CPED1: variants seen among roughly 807,000 people sequenced by gnomAD.
CPED1 encodes the protein cadherin like and PC-esterase domain containing 1, also known as cadherin-like and PC-esterase domain-containing protein 1.
Under a neutral mutation model 128.2 loss-of-function variants are expected in CPED1, and 114 were observed. The observed-to-expected ratio is 0.89, with a 90% CI of 0.76 to 1.04. The LOEUF (loss-of-function observed/expected upper bound fraction) is 1.04. CPED1 is among the 50% of genes least tolerant of loss of function. The probability of loss-of-function intolerance (pLI) is 0.00; values close to 1 mark genes in which losing one functional copy is unlikely to be tolerated. For synonymous variants in CPED1, 462 were observed against 426.7 expected, an observed-to-expected ratio of 1.08 and a Z score of -1.02; for missense variants, 1,211 against 1,207.1, an observed-to-expected ratio of 1.00 and a Z score of -0.05.
At chr7:121,044,475 G>C (rs1255833503) in intron 3 of CPED1, among the ~76,000 whole-genome samples, 1 of 151,886 alleles carries the variant, frequency 6.6e-6, no homozygotes, top group South Asian at 2.1e-4. Flanking sequence ...GGACTATACA[G>C]TATTTTTAAA....
At chr7:121,087,905 C>G (rs1053425759) in intron 5 of CPED1, among the ~76,000 whole-genome samples, 8 of 152,064 alleles carry the variant, frequency 5.3e-5, no homozygotes, top group Non-Finnish European at 8.8e-5. Context: ...CGTGATCCAC[C>G]TGCTTCAGCC....
intron 16 of CPED1, among the ~76,000 whole-genome samples, chr7:121,189,437 A>C (rs1392149023): frequency 6.6e-6 from 1 of 151,922 alleles, no homozygotes; most frequent in Non-Finnish European, 1.5e-5. Flanking sequence ...TGAAGGAGGA[A>C]GTGCCACACA....
chr7:121,008,655 A>G (rs1360370906), intron 2 of CPED1, among the ~76,000 whole-genome samples: 6 of 152,154 alleles, frequency 3.9e-5, no homozygotes, highest in Non-Finnish European at 5.9e-5. Context: ...ACTAATCACC[A>G]AATCATCTAA....
At chr7:121,228,239 C>A (rs540039524) in intron 16 of CPED1, among the ~76,000 whole-genome samples, 34 of 152,122 alleles carry the variant, frequency 2.2e-4, no homozygotes, top group Admixed American at 8.5e-4. Context: ...GCAAACTATT[C>A]TCCTGATGGG....
intron 18 of CPED1, among the ~76,000 whole-genome samples, chr7:121,250,171 T>C (rs1798636965): frequency 6.6e-6 from 1 of 152,036 alleles, no homozygotes; most frequent in Non-Finnish European, 1.5e-5. Context: ...AGAAACTCAC[T>C]CAAAACTGCT....
At chr7:121,038,771 C>G (rs1792968311) in intron 3 of CPED1, among the ~76,000 whole-genome samples, 1 of 152,006 alleles carries the variant, frequency 6.6e-6, no homozygotes, top group Non-Finnish European at 1.5e-5. Flanking sequence ...ATGACCTTGA[C>G]AGTTTTGAGA....
Position 121,241,347 on chromosome 7 carries a change from C to CAAAAAA in CPED1, c.2174-2822_2174-2817dup, listed in dbSNP as rs1030223751. Among the ~76,000 whole-genome samples, 36 of 5,550 alleles carry CAAAAAA rather than the reference C, an allele frequency of 6.5e-3. 7 individuals carry two copies. The highest frequency in any genetic ancestry group is 0.02 in the East Asian group (5 of 252). The allele number at this position is 5,550 out of a possible 152,430, so 3.6% of individuals were successfully genotyped here. On this transcript the variant is annotated intron_variant, in intron 17 of 22. Coordinates refer to ENST00000310396, the MANE Select transcript of CPED1 (RefSeq NM_024913.5). ...TGGGCGACAGAGCGAGACTCCGTCT[C>CAAAAAA]AAAAAAAAAAAAAAAAAAAAAAAAA... is the stretch of plus-strand genomic sequence containing the variant.
chr7:121,032,010 GAGAA>G (rs1792746369), intron 3 of CPED1, among the ~76,000 whole-genome samples: 1 of 152,094 alleles, frequency 6.6e-6, no homozygotes, highest in Non-Finnish European at 1.5e-5. Flanking sequence ...TGAGGATTCT[GAGAA>G]AGAAAACTCT....
At chr7:120,996,093 A>G (rs887198920) in intron 2 of CPED1, among the ~76,000 whole-genome samples, 3 of 151,472 alleles carry the variant, frequency 2.0e-5, no homozygotes, top group African/African-American at 7.3e-5. Context: ...AGCCTAGGCA[A>G]AATAGGGAGA....
At chr7:121,109,200 G>A (rs1425300871) in intron 7 of CPED1, among the ~76,000 whole-genome samples, 1 of 152,024 alleles carries the variant, frequency 6.6e-6, no homozygotes, top group African/African-American at 2.4e-5. Context: ...TCTCTCCCAG[G>A]ACTCTTCAGA....
At chr7:121,124,527 C>T in intron 8 of CPED1, 54 bp downstream of exon 8, 5 of 1,280,106 alleles carry the variant, frequency 3.9e-6, no homozygotes, top group Non-Finnish European at 5.1e-6. Context: ...AGCAACCTAT[C>T]TTTTAAAAAT....
At chr7:121,176,672 A>G (rs375159676) in intron 16 of CPED1, among the ~76,000 whole-genome samples, 74 of 152,212 alleles carry the variant, frequency 4.9e-4, no homozygotes, top group Admixed American at 2.5e-3. Flanking sequence ...GAAGAGGACC[A>G]TTTTTAAATT....
rs1250237748 is a variant in CPED1, at chr7:121,233,550, AAAC to A, written c.2056-3155_2056-3153del. Reference sequence around the variant, plus strand: ...AGCGACAGAGGAAGGCTCTGTCTCAAAACAACAACAATACTGTTGTTTATTCTT... The same window carrying A: ...AGCGACAGAGGAAGGCTCTGTCTCAAAACAACAATACTGTTGTTTATTCTT... On this transcript the variant is annotated intron_variant, in intron 16 of 22. Coordinates refer to ENST00000310396, the MANE Select transcript of CPED1 (RefSeq NM_024913.5). Among the ~76,000 whole-genome samples the A allele has an allele frequency of 4.6e-5, 7 of 152,070 alleles. No homozygotes were observed. In the East Asian group the frequency reaches 9.7e-4, roughly 21 times the overall value.
intron 3 of CPED1, among the ~76,000 whole-genome samples, chr7:121,035,811 T>C (rs1792867263): frequency 6.6e-6 from 1 of 151,666 alleles, no homozygotes; most frequent in Admixed American, 6.6e-5. Flanking sequence ...CCAGCCTAGG[T>C]GACCGAGTGA....
intron 16 of CPED1, among the ~76,000 whole-genome samples, chr7:121,224,033 T>A (rs1797947106): frequency 6.6e-6 from 1 of 152,212 alleles, no homozygotes; most frequent in South Asian, 2.1e-4. Flanking sequence ...CTTCTCTAGT[T>A]CTTTTAATTG....
At chr7:121,050,938 A>G (rs1793335577) in intron 4 of CPED1, 2 of 493,614 alleles carry the variant, frequency 4.1e-6, no homozygotes, top group Non-Finnish European at 8.3e-6. Flanking sequence ...TGAAGGGACC[A>G]TCAAGGAAGA....
intron 16 of CPED1, among the ~76,000 whole-genome samples, chr7:121,206,851 C>T (rs1282228327): frequency 1.3e-5 from 2 of 151,932 alleles, no homozygotes; most frequent in Non-Finnish European, 2.9e-5. Flanking sequence ...CTCCACCTAT[C>T]CCATCATACT....
intron 4 of CPED1, among the ~76,000 whole-genome samples, chr7:121,057,321 G>A (rs942983750): frequency 2.0e-5 from 3 of 152,098 alleles, no homozygotes; most frequent in African/African-American, 2.4e-5. Flanking sequence ...AGATTCAGGA[G>A]TACATGTGTA....
At chr7:120,995,963 C>CTTCTT (rs1562985592) in intron 2 of CPED1, among the ~76,000 whole-genome samples, 3 of 126,698 alleles carry the variant, frequency 2.4e-5, no homozygotes, top group African/African-American at 1.3e-4. Flanking sequence ...TCCTCCTCCT[C>CTTCTT]CTCCTCCTTC....
Sources: allele counts gnomAD v4.1 joint callset (sites outside exome capture counted in the v4.1 genomes callset), GRCh38; gene constraint gnomAD v4.1.1; transcripts MANE v1.5; gene names NCBI Gene and HGNC (gene_info 2026-07-23, HGNC 2026-07-21).